Variants in GPR158 observed in about 807,000 individuals in gnomAD.
GPR158 encodes metabotropic glycine receptor.
A neutral mutation model predicts 78.2 loss-of-function variants in GPR158; 30 were observed. The ratio of observed to expected loss-of-function variants is 0.38; its 90% CI spans 0.29 to 0.52. The LOEUF (loss-of-function observed/expected upper bound fraction) is 0.52, where lower values mean the gene tolerates loss of function less well. GPR158 is among the 20% of genes least tolerant of loss of function. The probability of loss-of-function intolerance (pLI) is 0.83; values close to 1 mark genes in which losing one functional copy is unlikely to be tolerated. For missense variants in GPR158, 1,463 were observed against 1,523.5 expected (o/e 0.96, Z 0.66); for synonymous variants, 581 against 591.1 (o/e 0.98, Z 0.25).
At chr10:25,284,873 A>G (rs2130757890) in intron 2 of GPR158, among the ~76,000 whole-genome samples, 1 of 152,242 alleles carries the variant, frequency 6.6e-6, no homozygotes, top group East Asian at 1.9e-4. Flanking sequence ...TATAGTATAA[A>G]TACTTTATAG....
At chr10:25,190,314 A>G (rs938356981) in intron 1 of GPR158, among the ~76,000 whole-genome samples, 2 of 152,098 alleles carry the variant, frequency 1.3e-5, no homozygotes, top group African/African-American at 4.8e-5. Context: ...TTGAAATGTT[A>G]TATTACATAG....
intron 5 of GPR158, among the ~76,000 whole-genome samples, chr10:25,507,641 G>A (rs1172729507): frequency 1.3e-5 from 2 of 152,082 alleles, no homozygotes; most frequent in African/African-American, 4.8e-5. Flanking sequence ...ACTGTATCAG[G>A]GAAAATCTTT....
chr10:25,513,641 G>C (rs909310828), intron 5 of GPR158, among the ~76,000 whole-genome samples: 3 of 151,872 alleles, frequency 2.0e-5, no homozygotes, highest in Admixed American at 1.3e-4. Flanking sequence ...TCAGACTTTT[G>C]ATGTAGGCAT....
In GPR158 at chr10:25,598,342, A is replaced by G. The variant is rs774670021; in HGVS notation, c.2716A>G (p.Ile906Val). Reference sequence around the variant, plus strand: ...GATGTTACAGAAGTCTCTCAGTGTCATAGCAAGCGCCAAGGAGAAGACTCT... The same window carrying G: ...GATGTTACAGAAGTCTCTCAGTGTCGTAGCAAGCGCCAAGGAGAAGACTCT... ...TSMLQKSLSV[I>V]ASAKEKTLGL... is the part of the protein sequence containing the mutation. Residue 906 changes from isoleucine to valine, a missense_variant, in exon 11 of 11, where the codon ATA becomes GTA. By Grantham distance (29) the Ile-to-Val change is conservative. Coordinates refer to ENST00000376351, the MANE Select transcript of GPR158 (RefSeq NM_020752.3). 1.8e-5 allele frequency: 29 copies of G among 1,614,046 alleles called. No individual in the cohort carries two copies. The highest frequency in any genetic ancestry group is 2.3e-5 in the Non-Finnish European group (27 of 1,180,036).
chr10:25,268,477 A>G (rs1854072481), intron 2 of GPR158, among the ~76,000 whole-genome samples: 1 of 152,210 alleles, frequency 6.6e-6, no homozygotes, highest in African/African-American at 2.4e-5. Flanking sequence ...TGAGTTATAT[A>G]TGTGGAATTT....
intron 7 of GPR158, among the ~76,000 whole-genome samples, chr10:25,579,510 T>C (rs1419699235): frequency 6.6e-6 from 1 of 152,208 alleles, no homozygotes; most frequent in Non-Finnish European, 1.5e-5. Context: ...TGTAGTTGGA[T>C]AGCACTCAAT....
chr10:25,483,163 A>C (rs1175659955), intron 5 of GPR158, among the ~76,000 whole-genome samples: 1 of 152,054 alleles, frequency 6.6e-6, no homozygotes, highest in Non-Finnish European at 1.5e-5. Context: ...AACTTAAGTC[A>C]GGTAGTGCTA....
rs1039718426 is a variant in GPR158 at position 25,244,602 on chromosome 10, A to C, written c.1008+23445A>C. The C allele has an allele frequency of 3.3e-5, 5 of 152,166 alleles. 1 individual carries two copies. The highest frequency in any genetic ancestry group is 3.3e-4 in the Admixed American group (5 of 15,276). 9.4% of individuals were successfully genotyped at this position (152,166 alleles called of 1,614,324 possible). On this transcript the variant is annotated intron_variant, in intron 2 of 10. Coordinates refer to ENST00000376351, the MANE Select transcript of GPR158 (RefSeq NM_020752.3). ...CAGCTCTTTATAGTGGCCAAAGTGC[A>C]GACCTCAAAGCAGGTCTGAGTCCTT...
intron 9 of GPR158, among the ~76,000 whole-genome samples, chr10:25,596,227 C>T (rs1394894567): frequency 6.6e-6 from 1 of 151,992 alleles, no homozygotes; most frequent in Admixed American, 6.5e-5. Flanking sequence ...GTGGTGTAAC[C>T]AGTGGCGTAT....
At chr10:25,290,815 C>G (rs1854424712) in intron 2 of GPR158, among the ~76,000 whole-genome samples, 1 of 151,832 alleles carries the variant, frequency 6.6e-6, no homozygotes, top group African/African-American at 2.4e-5. Context: ...GTTACATTAC[C>G]TTTTCAAATA....
At chr10:25,238,732 A>T (rs1853563263) in intron 2 of GPR158, among the ~76,000 whole-genome samples, 1 of 152,212 alleles carries the variant, frequency 6.6e-6, no homozygotes, top group Non-Finnish European at 1.5e-5. Context: ...ATTTGTTTCC[A>T]TGCAAGCCGT....
At chr10:25,411,933 CAAAAAAAAAAAAAAAAAAAAA>C (rs1164005677) in intron 3 of GPR158, among the ~76,000 whole-genome samples, 6 of 47,468 alleles carry the variant, frequency 1.3e-4, no homozygotes, top group East Asian at 9.2e-4. Flanking sequence ...GACTCTATCA[CAAAAAAAAAAAAAAAAAAAAA>C]AAAAAAAAAA....
intron 2 of GPR158, among the ~76,000 whole-genome samples, chr10:25,361,549 A>G (rs916377542): frequency 3.3e-5 from 5 of 151,930 alleles, no homozygotes; most frequent in African/African-American, 1.2e-4. Flanking sequence ...TAAAATTCCT[A>G]CCAACAATGC....
intron 2 of GPR158, among the ~76,000 whole-genome samples, chr10:25,367,692 A>G (rs942237076): frequency 2.0e-5 from 3 of 151,840 alleles, no homozygotes; most frequent in South Asian, 2.1e-4. Context: ...ATCACCTTAT[A>G]TATTTCAAAG....
At chr10:25,434,033 C>T (rs1253073911) in intron 4 of GPR158, among the ~76,000 whole-genome samples, 3 of 152,044 alleles carry the variant, frequency 2.0e-5, no homozygotes, top group African/African-American at 7.2e-5. Context: ...GTGAAGGGCA[C>T]CTGTAGTCCC....
intron 2 of GPR158, among the ~76,000 whole-genome samples, chr10:25,369,935 C>G (rs369917553): frequency 3.3e-5 from 5 of 150,302 alleles, no homozygotes; most frequent in Non-Finnish European, 6.0e-5. Flanking sequence ...TTTCTTCTAG[C>G]TTTTCTAGTT....
chr10:25,240,546 G>A (rs1276231732), intron 2 of GPR158, among the ~76,000 whole-genome samples: 1 of 152,086 alleles, frequency 6.6e-6, no homozygotes, highest in Admixed American at 6.5e-5. Context: ...CAGGATGCAC[G>A]CCTTTAAGAA....
intron 2 of GPR158, among the ~76,000 whole-genome samples, chr10:25,276,181 A>G (rs148495045): frequency 6.6e-6 from 1 of 152,190 alleles, no homozygotes; most frequent in Non-Finnish European, 1.5e-5. Context: ...GACGTGGTAC[A>G]TTTAATTAGC....
chr10:25,462,670 T>C (rs1303319577), intron 4 of GPR158, among the ~76,000 whole-genome samples: 2 of 152,156 alleles, frequency 1.3e-5, no homozygotes, highest in Non-Finnish European at 2.9e-5. Flanking sequence ...ATGGATGACT[T>C]TGAGGCGTTC....
Sources: allele counts gnomAD v4.1 joint callset (sites outside exome capture counted in the v4.1 genomes callset), GRCh38; gene constraint gnomAD v4.1.1; transcripts MANE v1.5; gene names NCBI Gene and HGNC (gene_info 2026-07-23, HGNC 2026-07-21).